Variants in WNK2 observed in about 807,000 individuals in gnomAD.
WNK2 encodes the protein WNK lysine deficient protein kinase 2.
Under a neutral mutation model 192.1 loss-of-function variants are expected in WNK2, and 67 were observed. The observed-to-expected ratio is 0.35, with a 90% confidence interval of 0.29 to 0.43. The LOEUF (loss-of-function observed/expected upper bound fraction) is 0.43. Ranked by LOEUF, WNK2 falls within the 20% of genes least tolerant of loss-of-function variation. The pLI, the probability that WNK2 is intolerant of heterozygous loss-of-function variation, is 1.00. For missense variants in WNK2, 2,698 were observed against 3,089.7 expected (o/e 0.87, Z 3.01); for synonymous variants, 1,439 against 1,393.9 (o/e 1.03, Z -0.72).
At chr9:93,270,212 A>T (rs1845824252) in intron 19 of WNK2, among the ~76,000 whole-genome samples, 1 of 152,230 alleles carries the variant, frequency 6.6e-6, no homozygotes, top group Admixed American at 6.5e-5. Context: ...AGCCCACCTC[A>T]GAGCATCTCA....
At chr9:93,252,735 C>A in intron 8 of WNK2, 148 bp from the exon 9 acceptor site, 1 of 704,044 alleles carries the variant, frequency 1.4e-6, no homozygotes, top group Non-Finnish European at 2.1e-6. Context: ...TCTGTAGCAG[C>A]CAATTGTTTA....
intron 2 of WNK2, among the ~76,000 whole-genome samples, chr9:93,219,796 C>T (rs375487091): frequency 1.3e-5 from 2 of 152,364 alleles, no homozygotes; most frequent in East Asian, 3.9e-4. Context: ...CACCTGTTGC[C>T]ACCAGCTTGC....
chr9:93,194,310 C>A (rs557199271), intron 2 of WNK2, among the ~76,000 whole-genome samples: 1 of 152,256 alleles, frequency 6.6e-6, no homozygotes, highest in Admixed American at 6.5e-5. Context: ...TTGCAAATGA[C>A]CCATCTGCTT....
chr9:93,289,082 C>A lies in WNK2; in HGVS notation c.4328C>A (p.Pro1443Gln). ...CCACTAGCGGAGACTCACGAGGCCC[C>A]GCTTGCTGTGCAGCCCCTCGTGGTG... ...SQPLAETHEA[P>Q]LAVQPLVVGL... Residue 1443 changes from proline (P) to glutamine (Q), a missense_variant, in exon 20 of 30, where the codon CCG becomes CAG. This residue lies in a region of WNK2 where 1,098 missense variants were observed against 1,101.0 expected (regional missense o/e 1.00). Transcript: ENST00000427277. The A allele has an allele frequency of 6.2e-7, 1 of 1,607,842 alleles. No individual in the cohort carries two copies. The highest frequency in any genetic ancestry group is 8.5e-7 in the Non-Finnish European group (1 of 1,177,598).
intron 2 of WNK2, among the ~76,000 whole-genome samples, chr9:93,218,406 G>A (rs1468327136): frequency 1.3e-5 from 2 of 152,156 alleles, no homozygotes; most frequent in Non-Finnish European, 2.9e-5. Context: ...GATGTGGTCA[G>A]ATGCAGGGGT....
intron 5 of WNK2, among the ~76,000 whole-genome samples, chr9:93,235,583 G>A (rs1839674686): frequency 6.6e-6 from 1 of 152,238 alleles, no homozygotes; most frequent in Non-Finnish European, 1.5e-5. Flanking sequence ...CCACTGGGTG[G>A]AGGGAATGCA....
intron 16 of WNK2, 30 bp downstream of exon 16, chr9:93,264,063 C>G (rs372102446): frequency 1.9e-6 from 3 of 1,558,060 alleles, no homozygotes; most frequent in Non-Finnish European, 2.6e-6. Context: ...GCTTGGCTCC[C>G]GGTGTTTCTT....
At chr9:93,314,437 A>G (rs1008080623) in intron 28 of WNK2, among the ~76,000 whole-genome samples, 2 of 139,380 alleles carry the variant, frequency 1.4e-5, no homozygotes, top group Non-Finnish European at 3.1e-5. Flanking sequence ...ACAGAGCAAG[A>G]CCCTGTCTGA....
In WNK2 at chr9:93,300,202, C is replaced by T. The variant is rs980635059; in HGVS notation, c.6214+53C>T. 8 of 1,428,220 alleles carry T rather than the reference C, an allele frequency of 5.6e-6. No individual in the cohort carries two copies. In the African/African-American group the frequency reaches 7.1e-5, roughly 13 times the overall value. The allele number at this position is 1,428,220 out of a possible 1,614,324, so 88.5% of individuals were successfully genotyped here. On this transcript the variant is annotated intron_variant, in intron 26 of 29. Coordinates refer to ENST00000427277, the MANE Select transcript of WNK2 (RefSeq NM_006648.4). ...CACCTCCTGGCCCTTGGTTTTCTCCCCCCACCCCCTCCCTGTCTTCATTAC... is the reference window on the plus strand; with the variant it reads ...CACCTCCTGGCCCTTGGTTTTCTCCTCCCACCCCCTCCCTGTCTTCATTAC...
rs572996416 is a variant in WNK2 at position 93,250,856 on chromosome 9, C to A, written c.1835-2027C>A. Among the ~76,000 whole-genome samples the A allele has an allele frequency of 2.1e-4, 30 of 143,646 alleles. 1 individual carries two copies. The South Asian group carries it at 6.4e-3, about 31-fold the overall frequency. 94.2% of individuals were successfully genotyped at this position (143,646 alleles called of 152,430 possible). A position where few individuals can be genotyped will look rare whatever the true frequency, so the allele number is the denominator to read the frequency against. ...CTGGAGTGTGGTGGCGCAATCTCGG[C>A]TCACTGCAACCTCTGCCTCCCAGGT... On this transcript the variant is annotated intron_variant, in intron 8 of 29. Coordinates refer to ENST00000427277, the MANE Select transcript of WNK2 (RefSeq NM_006648.4).
chr9:93,283,689 T>C (rs905222673), intron 19 of WNK2, among the ~76,000 whole-genome samples: 6 of 152,170 alleles, frequency 3.9e-5, no homozygotes, highest in African/African-American at 1.4e-4. Context: ...GTCTTTCAGG[T>C]AGAAAATAGA....
intron 2 of WNK2, among the ~76,000 whole-genome samples, chr9:93,194,830 T>G (rs910905595): frequency 2.0e-5 from 3 of 152,152 alleles, no homozygotes; most frequent in African/African-American, 7.2e-5. Context: ...GGTGAATGGA[T>G]AAACAAACTG....
chr9:93,185,299 C>T lies in WNK2; in HGVS notation c.370C>T (p.Pro124Ser), dbSNP rs569138134. Residue 124 changes from proline to serine, a missense_variant, in exon 2 of 30, where the codon CCC (proline) becomes TCC (serine). Pro to Ser is a moderately conservative substitution (Grantham distance 74). This residue lies in a region of WNK2 where 260 missense variants were observed against 285.6 expected (regional missense o/e 0.91). Transcript: ENST00000427277. ...CCCCGAGCCCGTGGGCACGCAGGAG[C>T]CCGGCCCGGACCCCATCGCAGCCGC... Reference protein sequence around the residue: ...AGPEPVGTQEPGPDPIAAAVE... With the variant: ...AGPEPVGTQESGPDPIAAAVE... 5 of 1,460,446 alleles carry T rather than the reference C, an allele frequency of 3.4e-6. No individual in the cohort carries two copies. In the African/African-American group the frequency reaches 5.9e-5, roughly 17 times the overall value. The allele number at this position is 1,460,446 out of a possible 1,614,324, so 90.5% of individuals were successfully genotyped here.
intron 8 of WNK2, among the ~76,000 whole-genome samples, chr9:93,249,295 G>A (rs1290616590): frequency 6.6e-6 from 1 of 152,132 alleles, no homozygotes; most frequent in Admixed American, 6.5e-5. Context: ...TGTTTAGCTT[G>A]TGGTCAGATA....
At chr9:93,270,460 C>T (rs1414331565) in intron 19 of WNK2, among the ~76,000 whole-genome samples, 1 of 152,202 alleles carries the variant, frequency 6.6e-6, no homozygotes, top group Non-Finnish European at 1.5e-5. Context: ...TGATGTGTGA[C>T]ACAGCTGTCT....
At chr9:93,237,408 G>A (rs1178097054) in intron 5 of WNK2, among the ~76,000 whole-genome samples, 1 of 152,158 alleles carries the variant, frequency 6.6e-6, no homozygotes, top group Non-Finnish European at 1.5e-5. Context: ...AGGTTCACTC[G>A]TCTTTTTTCT....
intron 28 of WNK2, 102 bp downstream of exon 28, chr9:93,308,686 T>G: frequency 7.2e-7 from 1 of 1,383,400 alleles, no homozygotes; most frequent in Non-Finnish European, 9.6e-7. Flanking sequence ...AGTTAAGCTC[T>G]TCATTTTCAT....
At chr9:93,216,647 A>G (rs1200928474) in intron 2 of WNK2, among the ~76,000 whole-genome samples, 1 of 152,032 alleles carries the variant, frequency 6.6e-6, no homozygotes, top group Non-Finnish European at 1.5e-5. Flanking sequence ...AACAAAAATT[A>G]GCCAGGCGTG....
intron 2 of WNK2, among the ~76,000 whole-genome samples, chr9:93,209,294 A>G (rs1256671055): frequency 2.0e-5 from 3 of 152,060 alleles, no homozygotes; most frequent in Admixed American, 2.0e-4. Context: ...ACACTGGCGC[A>G]AGGCCGGGAC....
Sources: allele counts gnomAD v4.1 joint callset (sites outside exome capture counted in the v4.1 genomes callset), GRCh38; gene constraint gnomAD v4.1.1; regional missense constraint gnomAD v4.1.1; transcripts MANE v1.5; gene names NCBI Gene and HGNC (gene_info 2026-07-23, HGNC 2026-07-21).